The following GRIN2B variants were observed in gnomAD, a reference collection of about 807,000 sequenced individuals.
GRIN2B encodes the protein glutamate ionotropic receptor NMDA type subunit 2B.
In GRIN2B, 5 loss-of-function variants were observed where a neutral mutation model predicts 114.5. The observed-to-expected ratio is 0.04, with a 90% confidence interval of 0.02 to 0.09. The LOEUF is 0.09. Ranked by LOEUF, GRIN2B falls within the 10% of genes least tolerant of loss-of-function variation. The probability of loss-of-function intolerance (pLI) is 1.00; values close to 1 mark genes in which losing one functional copy is unlikely to be tolerated. For missense variants in GRIN2B, 1,108 were observed against 1,943.5 expected (o/e 0.57, Z 8.08); for synonymous variants, 787 against 745.1 (o/e 1.06, Z -0.92).
At chr12:13,926,037 T>C (rs1866905484) in intron 2 of GRIN2B, among the ~76,000 whole-genome samples, 1 of 152,058 alleles carries the variant, frequency 6.6e-6, no homozygotes, top group Non-Finnish European at 1.5e-5. Flanking sequence ...GGGGCAAGAA[T>C]ATGCCAGATC....
intron 5 of GRIN2B, among the ~76,000 whole-genome samples, chr12:13,670,735 C>T (rs2071836063): frequency 6.6e-6 from 1 of 152,106 alleles, no homozygotes; most frequent in South Asian, 2.1e-4. Flanking sequence ...TTCCAACTCA[C>T]CATGCTATGT....
At chr12:13,583,844 G>A (rs142656029) in intron 10 of GRIN2B, among the ~76,000 whole-genome samples, 7 of 152,212 alleles carry the variant, frequency 4.6e-5, no homozygotes, top group East Asian at 3.9e-4. Context: ...GGAGCACACC[G>A]AATGGTCAGA....
rs143654416 is a variant in GRIN2B at position 13,584,876 on chromosome 12, A to G, written c.2011-12912T>C. ...GGCCTTCGTTGAGCTCCTTCAACCTATTCTTACACAAGATTGTTACAAAGA... is the reference window on the plus strand; with the variant it reads ...GGCCTTCGTTGAGCTCCTTCAACCTGTTCTTACACAAGATTGTTACAAAGA... On this transcript the variant is annotated intron_variant, in intron 10 of 13. Coordinates refer to ENST00000609686, the MANE Select transcript of GRIN2B (RefSeq NM_000834.5). Among the ~76,000 whole-genome samples, 306 of 152,306 alleles carry G rather than the reference A, an allele frequency of 2.0e-3. 1 individual carries two copies. The highest frequency in any genetic ancestry group is 7.0e-3 in the African/African-American group (291 of 41,586).
intron 10 of GRIN2B, among the ~76,000 whole-genome samples, chr12:13,598,233 C>T (rs1327038290): frequency 1.3e-5 from 2 of 152,214 alleles, no homozygotes; most frequent in Non-Finnish European, 2.9e-5. Context: ...CACATCAGTC[C>T]CTCCAGCTTT....
intron 2 of GRIN2B, among the ~76,000 whole-genome samples, chr12:13,881,699 T>C (rs1866074913): frequency 6.6e-6 from 1 of 152,256 alleles, no homozygotes; most frequent in African/African-American, 2.4e-5. Flanking sequence ...CATCACCCGA[T>C]GCAATATCCT....
At chr12:13,692,914 G>A (rs952321110) in intron 4 of GRIN2B, among the ~76,000 whole-genome samples, 21 of 150,948 alleles carry the variant, frequency 1.4e-4, no homozygotes, top group Admixed American at 3.3e-4. Flanking sequence ...GATTACAGGC[G>A]CCTGCCACCA....
intron 4 of GRIN2B, among the ~76,000 whole-genome samples, chr12:13,691,349 A>G (rs1267701146): frequency 6.9e-6 from 1 of 145,630 alleles, no homozygotes; most frequent in Non-Finnish European, 1.5e-5. Flanking sequence ...TCTTGTTTGT[A>G]GATAACACCA....
At chr12:13,663,351 A>G (rs1166007204) in intron 5 of GRIN2B, among the ~76,000 whole-genome samples, 2 of 152,194 alleles carry the variant, frequency 1.3e-5, no homozygotes, top group East Asian at 1.9e-4. Flanking sequence ...AAAATTGGCA[A>G]TTCTTTAAGA....
At chr12:13,898,227 C>T (rs1035153487) in intron 2 of GRIN2B, among the ~76,000 whole-genome samples, 3 of 152,006 alleles carry the variant, frequency 2.0e-5, no homozygotes, top group African/African-American at 7.2e-5. Flanking sequence ...GAGGGGTTTT[C>T]CGAGTCATTA....
chr12:13,873,793 T>C (rs1865950701), intron 2 of GRIN2B, among the ~76,000 whole-genome samples: 1 of 152,160 alleles, frequency 6.6e-6, no homozygotes, highest in African/African-American at 2.4e-5. Flanking sequence ...ACAGGGATCC[T>C]TGGTCCTGGA....
chr12:13,560,696 C>T lies in GRIN2B; in HGVS notation c.*2087G>A, dbSNP rs1948531428. 1 of 152,260 alleles carries T rather than the reference C, an allele frequency of 6.6e-6. No homozygotes were observed. The highest frequency in any genetic ancestry group is 2.4e-5 in the African/African-American group (1 of 41,468). The allele number at this position is 152,260 out of a possible 1,614,324, so 9.4% of individuals were successfully genotyped here. A position where few individuals can be genotyped will look rare whatever the true frequency, so the allele number is the denominator to read the frequency against. ...GCACTCCGTGCTCCTCTCACCAAAT[C>T]TGTGAGAGGTTCAGCCCCTTGCCCC... On this transcript the variant is annotated 3_prime_UTR_variant, in exon 14 of 14. Coordinates refer to ENST00000609686, the MANE Select transcript of GRIN2B (RefSeq NM_000834.5).
intron 3 of GRIN2B, among the ~76,000 whole-genome samples, chr12:13,857,480 G>A (rs913598282): frequency 6.6e-6 from 1 of 152,028 alleles, no homozygotes; most frequent in South Asian, 2.1e-4. Flanking sequence ...CCCTAAAAGG[G>A]AAGATACCAG....
intron 5 of GRIN2B, among the ~76,000 whole-genome samples, chr12:13,666,978 A>T (rs2136532538): frequency 6.6e-6 from 1 of 152,308 alleles, no homozygotes; most frequent in East Asian, 1.9e-4. Context: ...GCAGCAAGTC[A>T]GGTATGTTCT....
At chr12:13,926,806 A>G (rs7966018) in intron 2 of GRIN2B, among the ~76,000 whole-genome samples, 4,241 of 152,220 alleles carry the variant, frequency 0.028, 205 homozygotes, top group African/African-American at 0.097. Flanking sequence ...ACAAAAAATT[A>G]GCCGGGTATG....
Position 13,753,963 on chromosome 12 carries a change from C to G in GRIN2B, c.412-48G>C. The G allele has an allele frequency of 7.9e-7, 1 of 1,258,014 alleles. No individual in the cohort carries two copies. Among genetic ancestry groups the G allele is most frequent in the South Asian group, 1.2e-5 (1 of 81,954 alleles). The allele number at this position is 1,258,014 out of a possible 1,614,324, so 77.9% of individuals were successfully genotyped here. On this transcript the variant is annotated intron_variant, in intron 3 of 13. Transcript: ENST00000609686. The surrounding 1 kb of genome is among the most constrained non-coding windows in gnomAD (Gnocchi z 6.2). ...AAAGGAAGAGAGAAAAAAATCAAAC[C>G]AAAGATGGTAATGGAGATTTTGAAC... is the stretch of plus-strand genomic sequence containing the variant.
chr12:13,626,606 AC>A (rs1264953457), intron 5 of GRIN2B, among the ~76,000 whole-genome samples: 2 of 152,146 alleles, frequency 1.3e-5, no homozygotes, highest in East Asian at 3.9e-4. Context: ...TCATTCATTC[AC>A]CCTACTTTAT....
intron 5 of GRIN2B, among the ~76,000 whole-genome samples, chr12:13,662,397 A>G (rs965533850): frequency 6.6e-6 from 1 of 152,192 alleles, no homozygotes; most frequent in Non-Finnish European, 1.5e-5. Flanking sequence ...CAGCTGCTGA[A>G]CATACTCTGA....
intron 5 of GRIN2B, among the ~76,000 whole-genome samples, chr12:13,643,903 C>T (rs189327586): frequency 3.3e-5 from 5 of 152,246 alleles, no homozygotes; most frequent in African/African-American, 1.2e-4. Flanking sequence ...ATTTCTAATT[C>T]CAGATCTCAT....
chr12:13,811,847 A>T (rs934847801), intron 3 of GRIN2B, among the ~76,000 whole-genome samples: 7 of 152,204 alleles, frequency 4.6e-5, no homozygotes, highest in Non-Finnish European at 2.9e-5. Context: ...TAACGGAGAT[A>T]AGGAATGGAG....
Sources: gnomAD v4.1 joint callset for allele counts (sites outside exome capture counted in the v4.1 genomes callset) on GRCh38, gnomAD v4.1.1 for gene constraint, Gnocchi (gnomAD v3.1) non-coding constraint, MANE v1.5 for transcripts, NCBI Gene and HGNC (gene_info 2026-07-23, HGNC 2026-07-21) for gene names.